The following SGIP1 variants were observed in gnomAD, a reference collection of about 807,000 sequenced individuals.
SGIP1 encodes SH3GL interacting endocytic adaptor 1, also known as SH3-containing GRB2-like protein 3-interacting protein 1.
A neutral mutation model predicts 107.5 loss-of-function variants in SGIP1; 38 were observed. The observed-to-expected ratio is 0.35, with a 90% confidence interval of 0.27 to 0.46. SGIP1 has a LOEUF of 0.46. Ranked by LOEUF, SGIP1 falls within the 20% of genes least tolerant of loss-of-function variation. The pLI is 1.00. For missense variants in SGIP1, 929 were observed against 1,019.5 expected, an observed-to-expected ratio of 0.91 and a Z score of 1.21; for synonymous variants, 365 against 366.1, an observed-to-expected ratio of 1.00 and a Z score of 0.03.
intron 18 of SGIP1, among the ~76,000 whole-genome samples, chr1:66,714,542 ACAGAG>A (rs989693258): frequency 2.0e-5 from 3 of 152,128 alleles, no homozygotes; most frequent in African/African-American, 7.2e-5. Context: ...AGTAAATATG[ACAGAG>A]CCACCCAAAT....
chr1:66,742,310 C>T (rs764733222), intron 24 of SGIP1, among the ~76,000 whole-genome samples: 2 of 151,936 alleles, frequency 1.3e-5, no homozygotes, highest in Non-Finnish European at 2.9e-5. Flanking sequence ...GAGAGGAACT[C>T]TCTAATACTA....
At chr1:66,599,857 T>C (rs895335727) in intron 1 of SGIP1, among the ~76,000 whole-genome samples, 3 of 152,174 alleles carry the variant, frequency 2.0e-5, no homozygotes, top group African/African-American at 4.8e-5. Context: ...TTTCAGGGAA[T>C]TGGACACTTG....
intron 1 of SGIP1, among the ~76,000 whole-genome samples, chr1:66,620,795 T>G (rs565531650): frequency 6.6e-6 from 1 of 152,232 alleles, no homozygotes; most frequent in Non-Finnish European, 1.5e-5. Flanking sequence ...TGAAACAGTA[T>G]TTATCCTTTC....
chr1:66,733,985 A>G (rs2094127032), intron 21 of SGIP1, 105 bp downstream of exon 21: 8 of 1,259,746 alleles, frequency 6.4e-6, no homozygotes, highest in Non-Finnish European at 7.4e-6. Context: ...TTTTAACAGT[A>G]TTTAAAAGCT....
At position 66,625,658 on chromosome 1, in the gene SGIP1, G is replaced by C. The variant is rs2072488042; in HGVS notation, c.11-189G>C. ...TAAGAACTTATGGTATGAAGTCCTT[G>C]ATAAGTAACTATTGAAAAAATGTAA... On this transcript the variant is annotated intron_variant, in intron 1 of 24. Coordinates refer to ENST00000371037, the MANE Select transcript of SGIP1 (RefSeq NM_032291.4). Among the ~76,000 whole-genome samples, 6 of 152,186 alleles carry C rather than the reference G, an allele frequency of 3.9e-5. No homozygotes were observed. In the South Asian group the frequency reaches 1.2e-3, roughly 32 times the overall value.
At chr1:66,538,758 G>T (rs1557814502) in intron 1 of SGIP1, among the ~76,000 whole-genome samples, 1 of 152,106 alleles carries the variant, frequency 6.6e-6, no homozygotes, top group Non-Finnish European at 1.5e-5. Context: ...GCAAATATTT[G>T]CCATAAAATG....
At chr1:66,554,890 C>T (rs191754105) in intron 1 of SGIP1, among the ~76,000 whole-genome samples, 1 of 152,284 alleles carries the variant, frequency 6.6e-6, no homozygotes, top group Non-Finnish European at 1.5e-5. Context: ...CTCATCTATA[C>T]AATGCATCTA....
chr1:66,539,106 G>A (rs192208795), intron 1 of SGIP1, among the ~76,000 whole-genome samples: 1 of 152,280 alleles, frequency 6.6e-6, no homozygotes, highest in Non-Finnish European at 1.5e-5. Context: ...TTAAAAGTGG[G>A]AGAGAGAATT....
At chr1:66,560,510 T>C (rs191222061) in intron 1 of SGIP1, among the ~76,000 whole-genome samples, 2 of 152,180 alleles carry the variant, frequency 1.3e-5, no homozygotes, top group Admixed American at 6.6e-5. Context: ...TAAGCAATTA[T>C]GGATAAATTT....
At chr1:66,631,124 T>C (rs1344884252) in intron 2 of SGIP1, among the ~76,000 whole-genome samples, 1 of 151,416 alleles carries the variant, frequency 6.6e-6, no homozygotes, top group East Asian at 2.0e-4. Context: ...TGACTCAGTA[T>C]ATAGATACAA....
rs1216126905 is a variant in SGIP1 at position 66,735,689 on chromosome 1, G to T, written c.2031+1809G>T. 3.0e-5 allele frequency among the ~76,000 whole-genome samples: 2 copies of T among 67,252 alleles called. 1 individual carries two copies. The highest frequency in any genetic ancestry group is 6.5e-5 in the Non-Finnish European group (2 of 30,692). The allele number at this position is 67,252 out of a possible 152,430, so 44.1% of individuals were successfully genotyped here. On this transcript the variant is annotated intron_variant, in intron 21 of 24. Coordinates refer to ENST00000371037, the MANE Select transcript of SGIP1 (RefSeq NM_032291.4). ...CAAAAAATTAGCCGGGCGCGGTGGC[G>T]GGCGCCTGTAGTCCCAGCTACTCGG... is the stretch of plus-strand genomic sequence containing the variant.
At chr1:66,639,300 A>C (rs74887291) in intron 4 of SGIP1, among the ~76,000 whole-genome samples, 5 of 152,200 alleles carry the variant, frequency 3.3e-5, no homozygotes, top group African/African-American at 9.7e-5. Context: ...GGGTAGTTAC[A>C]AAAAAATTGA....
chr1:66,733,618 T>C lies in SGIP1; in HGVS notation c.1899-130T>C, dbSNP rs1288305073. 6.5e-6 allele frequency: 6 copies of C among 924,736 alleles called. No homozygotes were observed. In the African/African-American group the frequency reaches 8.4e-5, roughly 13 times the overall value. 57.3% of individuals were successfully genotyped at this position (924,736 alleles called of 1,614,324 possible). On this transcript the variant is annotated intron_variant, in intron 20 of 24. Transcript: ENST00000371037. ...TGAAAACCACACTACTGTTAATAGA[T>C]TCATAATAATCTCTACAAATTGTCA...
chr1:66,708,068 G>A lies in SGIP1; in HGVS notation c.1631-11226G>A, dbSNP rs186352750. 5.9e-5 allele frequency among the ~76,000 whole-genome samples: 9 copies of A among 152,204 alleles called. No individual in the cohort carries two copies. In the East Asian group the frequency reaches 1.5e-3, roughly 26 times the overall value. ...TCGGATCACAACTTCCTAGGATGTA[G>A]GGGCAAACATCTTTAACACAGGGTA... On this transcript the variant is annotated intron_variant, in intron 18 of 24. Coordinates refer to ENST00000371037, the MANE Select transcript of SGIP1 (RefSeq NM_032291.4).
intron 1 of SGIP1, among the ~76,000 whole-genome samples, chr1:66,578,830 C>T (rs1034080762): frequency 2.6e-5 from 4 of 152,180 alleles, no homozygotes; most frequent in African/African-American, 9.7e-5. Flanking sequence ...CGCCAGCACA[C>T]CCGACTAATT....
intron 1 of SGIP1, chr1:66,590,539 G>T (rs951626472): frequency 3.9e-5 from 6 of 152,198 alleles, no homozygotes; most frequent in African/African-American, 1.4e-4. Context: ...CTGGGCTCAA[G>T]TGATTCTTCT....
intron 17 of SGIP1, among the ~76,000 whole-genome samples, chr1:66,693,634 C>G (rs1250030395): frequency 6.6e-6 from 1 of 152,146 alleles, no homozygotes; most frequent in Admixed American, 6.6e-5. Flanking sequence ...ATGCATAAGA[C>G]CTGTGGCATT....
At chr1:66,633,044 T>G (rs758677386) in intron 2 of SGIP1, 26 bp from the exon 3 acceptor site, 2 of 1,431,990 alleles carry the variant, frequency 1.4e-6, no homozygotes, top group Non-Finnish European at 2.0e-6. Context: ...CTTATCATAA[T>G]AGCTATCAAT....
chr1:66,679,582 A>G, intron 13 of SGIP1, 96 bp from the exon 14 acceptor site: 1 of 1,268,056 alleles, frequency 7.9e-7, no homozygotes, highest in Non-Finnish European at 1.1e-6. Flanking sequence ...CAATAGCAGG[A>G]ATATAACTGA....
Sources: gnomAD v4.1 joint callset for allele counts (sites outside exome capture counted in the v4.1 genomes callset) on GRCh38, gnomAD v4.1.1 for gene constraint, MANE v1.5 for transcripts, NCBI Gene and HGNC (gene_info 2026-07-23, HGNC 2026-07-21) for gene names.